The following PLB1 variants were observed in gnomAD, a reference collection of about 807,000 sequenced individuals.
The protein encoded by PLB1 is phospholipase B1, membrane-associated.
In PLB1, 242 loss-of-function variants were observed where a neutral mutation model predicts 227.4. The ratio of observed to expected loss-of-function variants is 1.06; its 90% confidence interval spans 0.96 to 1.18. The LOEUF (loss-of-function observed/expected upper bound fraction) is 1.18, where lower values mean the gene tolerates loss of function less well. Ranked by LOEUF, PLB1 falls within the 50% of genes most tolerant of loss-of-function variation. The pLI is 0.00. For missense variants in PLB1, 1,858 were observed against 1,816.3 expected, an observed-to-expected ratio of 1.02 and a Z score of -0.42; for synonymous variants, 757 against 682.2, an observed-to-expected ratio of 1.11 and a Z score of -1.71.
chr2:28,541,569 G>T, intron 12 of PLB1, 138 bp from the exon 13 acceptor site: 1 of 627,852 alleles, frequency 1.6e-6, no homozygotes, highest in South Asian at 1.9e-5. Context: ...AGACAAGAGG[G>T]AGCTTCAGAA....
chr2:28,641,730 C>CCACACCCACTG (rs1004842223), intron 57 of PLB1, among the ~76,000 whole-genome samples: 4 of 152,140 alleles, frequency 2.6e-5, no homozygotes, highest in Non-Finnish European at 5.9e-5. Flanking sequence ...TCCTCCCTCG[C>CCACACCCACTG]CACACCCACT....
chr2:28,558,856 C>G (rs1403789857), intron 17 of PLB1, among the ~76,000 whole-genome samples: 1 of 152,064 alleles, frequency 6.6e-6, no homozygotes, highest in African/African-American at 2.4e-5. Flanking sequence ...GGCCACAAGA[C>G]AATTTATACA....
At chr2:28,626,613 G>A (rs1313797912) in intron 51 of PLB1, 105 bp downstream of exon 51, 3 of 986,366 alleles carry the variant, frequency 3.0e-6, no homozygotes, top group African/African-American at 3.2e-5. Context: ...CCTTGCTCAT[G>A]GGAACCACAT....
intron 17 of PLB1, among the ~76,000 whole-genome samples, chr2:28,559,940 C>T (rs1469932912): frequency 2.0e-5 from 3 of 151,662 alleles, no homozygotes; most frequent in Non-Finnish European, 2.9e-5. Context: ...TTAGTAGAGA[C>T]GGGGTTTCAT....
Position 28,601,904 on chromosome 2 carries a change from G to A in PLB1, c.2613G>A (p.Leu871=). The A allele has an allele frequency of 6.2e-7, 1 of 1,606,310 alleles. No homozygotes were observed. Among genetic ancestry groups the A allele is most frequent in the Non-Finnish European group, 8.5e-7 (1 of 1,173,040 alleles). ...DLCDYCTDSN[L]YSAANFVHHL... is the part of the protein sequence containing the mutation. ...TCCTTCCTGTCTCTTTCTAGAATCTGTATTCTGCAGCCAACTTTGTTCACC... is the reference window on the plus strand; with the variant it reads ...TCCTTCCTGTCTCTTTCTAGAATCTATATTCTGCAGCCAACTTTGTTCACC... The change falls in exon 38 of 58, where the codon CTG becomes CTA. Residue 871 remains leucine (L), a synonymous_variant. Coordinates refer to ENST00000327757, the MANE Select transcript of PLB1 (RefSeq NM_153021.5).
intron 6 of PLB1, 49 bp downstream of exon 6, chr2:28,525,994 C>A: frequency 6.2e-7 from 1 of 1,602,658 alleles, no homozygotes; most frequent in Non-Finnish European, 8.5e-7. Context: ...CTCTCCTTCC[C>A]AACACAGCAG....
At chr2:28,532,301 G>T (rs1031808314) in intron 9 of PLB1, 107 bp downstream of exon 9, 10 of 787,768 alleles carry the variant, frequency 1.3e-5, no homozygotes, top group Non-Finnish European at 2.0e-5. Flanking sequence ...TGGGGCTAAT[G>T]CCACCTATTT....
chr2:28,597,889 C>T, intron 33 of PLB1, 116 bp from the exon 34 acceptor site: 1 of 1,008,448 alleles, frequency 9.9e-7, no homozygotes, highest in Non-Finnish European at 1.6e-6. Flanking sequence ...TCTGGCCCAT[C>T]TCAAAGGTGC....
intron 17 of PLB1, among the ~76,000 whole-genome samples, chr2:28,554,596 G>A (rs1674765819): frequency 6.7e-6 from 1 of 149,536 alleles, no homozygotes; most frequent in African/African-American, 2.5e-5. Context: ...TGGGATTACA[G>A]GCATAAACCA....
Position 28,601,302 on chromosome 2 carries a change from C to G in PLB1, c.2577C>G (p.Gly859=), listed in dbSNP as rs761183958. 1 of 1,614,108 alleles carries G rather than the reference C, an allele frequency of 6.2e-7. No individual in the cohort carries two copies. The highest frequency in any genetic ancestry group is 1.7e-5 in the Admixed American group (1 of 60,016). ...AGGTCATCACAGTGCTGATCGGAGG[C>G]AGCGATTTATGTGACTACTGCACAG... ...DWKVITVLIG[G]SDLCDYCTDS... The change falls in exon 37 of 58, where the codon GGC becomes GGG. Residue 859 remains glycine (G), a synonymous_variant. Transcript: ENST00000327757.
At chr2:28,567,209 G>GAAA (rs1558780059) in intron 20 of PLB1, among the ~76,000 whole-genome samples, 1 of 143,666 alleles carries the variant, frequency 7.0e-6, no homozygotes, top group South Asian at 2.2e-4. Context: ...AGTGATTCAA[G>GAAA]AAAAAAGAAA....
intron 57 of PLB1, 134 bp downstream of exon 57, chr2:28,641,135 C>G: frequency 1.3e-6 from 1 of 794,856 alleles, no homozygotes; most frequent in Non-Finnish European, 2.0e-6. Context: ...CTTCTCAAAT[C>G]CCACCTGTCC....
Position 28,598,068 on chromosome 2 carries a change from T to C in PLB1, c.2365+20T>C. ...TACCTAGTAAGTAACCATCAGGGGC[T>C]TGAATCTGTCTACTGTTCCACCCAT... is the stretch of plus-strand genomic sequence containing the variant. On this transcript the variant is annotated intron_variant, in intron 34 of 57. Coordinates refer to ENST00000327757, the MANE Select transcript of PLB1 (RefSeq NM_153021.5). The C allele has an allele frequency of 1.9e-6, 3 of 1,606,068 alleles. No individual in the cohort carries two copies. The highest frequency in any genetic ancestry group is 2.6e-6 in the Non-Finnish European group (3 of 1,174,342).
chr2:28,534,783 G>GA (rs950492303), intron 9 of PLB1, among the ~76,000 whole-genome samples: 8 of 152,090 alleles, frequency 5.3e-5, no homozygotes, highest in Non-Finnish European at 8.8e-5. Context: ...GAACCCAGGA[G>GA]ACAGAGGTTG....
chr2:28,499,836 G>A (rs1402977923), intron 1 of PLB1, among the ~76,000 whole-genome samples: 1 of 152,064 alleles, frequency 6.6e-6, no homozygotes, highest in African/African-American at 2.4e-5. Flanking sequence ...AGTAAGCCGA[G>A]ATTGCACCAC....
intron 8 of PLB1, among the ~76,000 whole-genome samples, chr2:28,531,292 G>GT (rs1338652389): frequency 1.3e-5 from 2 of 151,826 alleles, no homozygotes; most frequent in Non-Finnish European, 2.9e-5. Flanking sequence ...TAAAGATGTT[G>GT]TTTTTTGTTT....
intron 23 of PLB1, 108 bp downstream of exon 23, chr2:28,579,815 A>G (rs914650473): frequency 2.1e-6 from 2 of 942,344 alleles, no homozygotes; most frequent in African/African-American, 1.6e-5. Flanking sequence ...ACTCAGGCTC[A>G]TGGTTTGTCT....
intron 1 of PLB1, among the ~76,000 whole-genome samples, chr2:28,512,488 T>C (rs1470364784): frequency 6.6e-6 from 1 of 152,226 alleles, no homozygotes; most frequent in Non-Finnish European, 1.5e-5. Context: ...TGGTGTTTCA[T>C]GTCAAGCCAT....
chr2:28,496,062 C>T lies in PLB1; in HGVS notation c.-53C>T. ...AGCAGGAGGAGGTGTGATAGCCCAT[C>T]CATCTGCTGGAGCAGCTCTTCCAGA... On this transcript the variant is annotated 5_prime_UTR_variant, in exon 1 of 58. Coordinates refer to ENST00000327757, the MANE Select transcript of PLB1 (RefSeq NM_153021.5). The T allele has an allele frequency of 1.3e-6, 2 of 1,549,192 alleles. No individual in the cohort carries two copies. Among genetic ancestry groups the T allele is most frequent in the Non-Finnish European group, 8.9e-7 (1 of 1,121,692 alleles).
Sources: gnomAD v4.1 joint callset for allele counts (sites outside exome capture counted in the v4.1 genomes callset) on GRCh38, gnomAD v4.1.1 for gene constraint, MANE v1.5 for transcripts, NCBI Gene and HGNC (gene_info 2026-07-23, HGNC 2026-07-21) for gene names.